Variants in MROH2A observed in about 807,000 individuals in gnomAD.
The protein encoded by MROH2A is maestro heat-like repeat-containing protein family member 2A.
MROH2A carries 174 observed loss-of-function variants against 200.4 expected under a neutral mutation model. The observed-to-expected ratio is 0.87, with a 90% CI of 0.77 to 0.98. The LOEUF (loss-of-function observed/expected upper bound fraction) is 0.98, where lower values mean the gene tolerates loss of function less well. Among genes scored for constraint, MROH2A ranks in the 50% least tolerant of loss-of-function variants. MROH2A has a pLI of 0.00. For missense variants in MROH2A, 2,045 were observed against 2,139.6 expected, an observed-to-expected ratio of 0.96 and a Z score of 0.87; for synonymous variants, 829 against 840.4, an observed-to-expected ratio of 0.99 and a Z score of 0.23.
In MROH2A at chr2:233,829,632, C is replaced by T. The variant is rs1362053150; in HGVS notation, c.4459C>T (p.Leu1487=). 6 of 1,430,898 alleles carry T rather than the reference C, an allele frequency of 4.2e-6. No individual in the cohort carries two copies. In the East Asian group the frequency reaches 1.7e-4, roughly 40 times the overall value. 88.6% of individuals were successfully genotyped at this position (1,430,898 alleles called of 1,614,324 possible). A position where few individuals can be genotyped will look rare whatever the true frequency, so the allele number is the denominator to read the frequency against. Reference sequence around the variant, plus strand: ...ATCCTGGCCACAGGAGAGCGAGCTGCTGCGTCTGAAAGCCTTCATCCTCTT... The same window carrying T: ...ATCCTGGCCACAGGAGAGCGAGCTGTTGCGTCTGAAAGCCTTCATCCTCTT... ...RIFFDNESEL[L]RLKAFILFGK... is the part of the protein sequence containing the mutation. Residue 1487 remains leucine, a synonymous_variant, in exon 38 of 42, where the codon CTG becomes TTG. Transcript: ENST00000389758.
At position 233,829,021 on chromosome 2, in the gene MROH2A, G is replaced by A. The variant is rs555084244; in HGVS notation, c.4395G>A (p.Val1465=). The change falls in exon 37 of 42, where the codon GTG becomes GTA. Residue 1465 remains valine (V), a synonymous_variant. Coordinates refer to ENST00000389758, the MANE Select transcript of MROH2A (RefSeq NM_001394639.1). ...KILAELREGD[V]GSSFDAMSEQ... ...TGGCTGAGCTCCGGGAAGGGGATGT[G>A]GGGTCCTCTTTCGACGCCATGTCTG... 9.7e-6 allele frequency: 15 copies of A among 1,549,902 alleles called. No homozygotes were observed. In the African/African-American group the frequency reaches 1.6e-4, roughly 17 times the overall value.
chr2:233,803,574 C>G (rs1173001043), intron 16 of MROH2A, 86 bp downstream of exon 16: 1 of 1,431,146 alleles, frequency 7.0e-7, no homozygotes, highest in Admixed American at 2.0e-5. Context: ...TCCCAGAGCC[C>G]CAGGGGTATG....
chr2:233,831,607 C>A, intron 39 of MROH2A, 67 bp downstream of exon 39: 1 of 1,496,246 alleles, frequency 6.7e-7, no homozygotes, highest in Non-Finnish European at 9.0e-7. Flanking sequence ...GCTGGGGGGT[C>A]GAGATTGCCA....
At chr2:233,779,519 C>A in intron 2 of MROH2A, 67 bp downstream of exon 2, 1 of 1,409,310 alleles carries the variant, frequency 7.1e-7, no homozygotes, top group Non-Finnish European at 9.8e-7. Context: ...GACTGCAGCC[C>A]CAGCCTAGGT....
chr2:233,779,946 ATG>A (rs1700867229), intron 3 of MROH2A, 94 bp downstream of exon 3: 2 of 1,086,198 alleles, frequency 1.8e-6, no homozygotes, highest in Admixed American at 4.6e-5. Flanking sequence ...CAGAGATGTG[ATG>A]TGTGGTACTG....
Position 233,809,127 on chromosome 2 carries a change from A to G in MROH2A, c.2297A>G (p.Lys766Arg). The G allele has an allele frequency of 1.3e-6, 2 of 1,547,410 alleles. No homozygotes were observed. The highest frequency in any genetic ancestry group is 1.7e-6 in the Non-Finnish European group (2 of 1,144,358). ...EQSWQISAWR[K>R]DHPWRRETVK... ...TTCTTTTTCTCTTTGGCCTCGTAGA[A>G]GGACCATCCCTGGAGGCGGGAGACA... The change falls in exon 22 of 42, where the codon AAG becomes AGG. Residue 766 changes from lysine to arginine, a missense_variant and splice_region_variant. This residue lies in a region of MROH2A where 1,201 missense variants were observed against 1,311.3 expected (regional missense o/e 0.92). Transcript: ENST00000389758.
At chr2:233,796,455 CT>C (rs1702119287) in intron 11 of MROH2A, 142 bp downstream of exon 11, 1 of 610,266 alleles carries the variant, frequency 1.6e-6, no homozygotes, top group Non-Finnish European at 2.9e-6. Flanking sequence ...AGGTTCTTGG[CT>C]GCTTTGCATT....
In MROH2A at chr2:233,832,178, C is replaced by G; in HGVS notation, c.4736C>G (p.Thr1579Ser). The change falls in exon 40 of 42, where the codon ACT becomes AGT. Residue 1579 changes from threonine (T) to serine (S), a missense_variant and splice_region_variant. By Grantham distance (58) the Thr-to-Ser change is moderately conservative. Transcript: ENST00000389758. Reference protein sequence around the residue: ...VFQTTMCSILTRKKPAVLYRF... With the variant: ...VFQTTMCSILSRKKPAVLYRF... ...GTGTGTATCACTTACTTTTTGCAGA[C>G]TCGGAAAAAGCCGGCTGTTCTCTAC... 1.3e-6 allele frequency: 2 copies of G among 1,550,302 alleles called. No homozygotes were observed. The highest frequency in any genetic ancestry group is 1.7e-6 in the Non-Finnish European group (2 of 1,146,864).
At chr2:233,801,307 A>G (rs1011968607) in intron 14 of MROH2A, among the ~76,000 whole-genome samples, 1 of 146,798 alleles carries the variant, frequency 6.8e-6, no homozygotes, top group African/African-American at 2.5e-5. Context: ...CCTCACCTTC[A>G]ACTCCTAGGG....
rs1406495663 is a variant in MROH2A at position 233,811,980 on chromosome 2, C to T, written c.2651+21C>T. The T allele has an allele frequency of 3.3e-6, 5 of 1,514,016 alleles. No individual in the cohort carries two copies. In the South Asian group the frequency reaches 3.6e-5, roughly 11 times the overall value. The allele number at this position is 1,514,016 out of a possible 1,614,324, so 93.8% of individuals were successfully genotyped here. A position where few individuals can be genotyped will look rare whatever the true frequency, so the allele number is the denominator to read the frequency against. ...CTGAGGTGAGCTGGGTTCCCACCCTCACCCCATCCCAAGGGGTAGGGAAAA... is the reference window on the plus strand; with the variant it reads ...CTGAGGTGAGCTGGGTTCCCACCCTTACCCCATCCCAAGGGGTAGGGAAAA... On this transcript the variant is annotated intron_variant, in intron 24 of 41. Transcript: ENST00000389758.
intron 19 of MROH2A, among the ~76,000 whole-genome samples, chr2:233,805,856 A>G (rs1472091387): frequency 6.6e-6 from 1 of 152,242 alleles, no homozygotes; most frequent in Non-Finnish European, 1.5e-5. Context: ...TAGGGTAACT[A>G]GAAATCCACA....
chr2:233,808,215 A>G (rs1263664649), intron 21 of MROH2A, among the ~76,000 whole-genome samples: 6 of 152,156 alleles, frequency 3.9e-5, no homozygotes, highest in Non-Finnish European at 7.4e-5. Flanking sequence ...CTGTTCAGGT[A>G]GTGCTCAGTG....
At chr2:233,823,071 G>A in intron 34 of MROH2A, 53 bp downstream of exon 34, 1 of 1,539,694 alleles carries the variant, frequency 6.5e-7, no homozygotes, top group Non-Finnish European at 8.8e-7. Context: ...GCACCTCCTT[G>A]CTGGATGGAA....
At chr2:233,815,674 G>T (rs1703468107) in intron 26 of MROH2A, among the ~76,000 whole-genome samples, 1 of 152,094 alleles carries the variant, frequency 6.6e-6, no homozygotes, top group African/African-American at 2.4e-5. Context: ...AATTATCTTT[G>T]CACCTTTGTT....
intron 25 of MROH2A, 24 bp downstream of exon 25, chr2:233,813,802 T>C: frequency 1.5e-6 from 2 of 1,377,164 alleles, no homozygotes; most frequent in Non-Finnish European, 2.0e-6. Flanking sequence ...GGATGCCTCA[T>C]TTGCTGGGTC....
chr2:233,798,692 A>T, intron 11 of MROH2A, 82 bp from the exon 12 acceptor site: 1 of 964,238 alleles, frequency 1.0e-6, no homozygotes, highest in South Asian at 1.4e-5. Context: ...AGGAGACAGA[A>T]CGTGAGGCCC....
rs1170897942 is a variant in MROH2A, at chr2:233,809,275, C to T, written c.2445C>T (p.Cys815=). 6.5e-7 allele frequency: 1 copy of T among 1,548,878 alleles called. No homozygotes were observed. Among genetic ancestry groups the T allele is most frequent in the Non-Finnish European group, 8.7e-7 (1 of 1,145,606 alleles). The change falls in exon 22 of 42, where the codon TGC becomes TGT. Residue 815 remains cysteine, a synonymous_variant. Transcript: ENST00000389758. ...TCATTCACCATTATGTCAGCAGCTG[C>T]CAGGTAGCCCCATCTGCTGCCTGGG... is the stretch of plus-strand genomic sequence containing the variant. ...AKIIHHYVSS[C]QDICLKMAFM... is the part of the protein sequence containing the mutation.
intron 11 of MROH2A, among the ~76,000 whole-genome samples, chr2:233,797,759 T>C (rs1291868828): frequency 1.3e-5 from 2 of 152,056 alleles, no homozygotes; most frequent in Non-Finnish European, 2.9e-5. Flanking sequence ...AGCAGGCCCC[T>C]GTGTGTGATG....
rs52820200 is a variant in MROH2A, at chr2:233,828,629, G to C, written c.4114-1G>C. On this transcript the variant is annotated splice_acceptor_variant, in intron 35 of 41. Coordinates refer to ENST00000389758, the MANE Select transcript of MROH2A (RefSeq NM_001394639.1). LOFTEE classifies it high-confidence loss of function. This position sits in a 1 kb window ranked among gnomAD's most constrained non-coding sequence, Gnocchi z 4.6. ...TAACTGCCCAATGTCCTCCCTTCCA[G>C]TTCATGAGCGGCCCAGTTCTGTACC... 10,486 of 1,550,730 alleles carry C rather than the reference G, an allele frequency of 6.8e-3. 638 individuals are homozygous for C. In the East Asian group the frequency reaches 0.15, roughly 23 times the overall value.
Sources: allele counts gnomAD v4.1 joint callset (sites outside exome capture counted in the v4.1 genomes callset), GRCh38; gene constraint gnomAD v4.1.1; regional missense constraint gnomAD v4.1.1; non-coding constraint Gnocchi (gnomAD v3.1); transcripts MANE v1.5; gene names NCBI Gene and HGNC (gene_info 2026-07-23, HGNC 2026-07-21).